Variants in ELMO1 observed in about 807,000 individuals in gnomAD.
ELMO1 encodes engulfment and cell motility protein 1.
A neutral mutation model predicts 98.9 loss-of-function variants in ELMO1; 26 were observed. That is an observed-to-expected ratio of 0.26 (90% CI 0.19 to 0.36). The LOEUF is 0.36. Among genes scored for constraint, ELMO1 ranks in the 10% least tolerant of loss-of-function variants. The probability of loss-of-function intolerance (pLI) is 1.00; values close to 1 mark genes in which losing one functional copy is unlikely to be tolerated. For missense variants in ELMO1, 627 were observed against 935.2 expected (o/e 0.67, Z 4.30); for synonymous variants, 346 against 346.0 (o/e 1.00, Z 0.00).
At chr7:37,444,606 G>C (rs983620167) in intron 1 of ELMO1, among the ~76,000 whole-genome samples, 1 of 151,978 alleles carries the variant, frequency 6.6e-6, no homozygotes, top group Non-Finnish European at 1.5e-5. Context: ...TCTGCCTCCC[G>C]GGTTCACTCA....
rs541991862 is a variant in ELMO1 at position 37,048,565 on chromosome 7, C to A, written c.1301-35130G>T. Among the ~76,000 whole-genome samples, 421 of 152,290 alleles carry A rather than the reference C, an allele frequency of 2.8e-3. 5 individuals carry two copies. The highest frequency in any genetic ancestry group is 9.7e-3 in the African/African-American group (405 of 41,560). ...TTGAGATCTGTTCCCCCACCTAACC[C>A]ACAGGCAACTCTAAAGCGAAAACAT... On this transcript the variant is annotated intron_variant, in intron 15 of 21. Coordinates refer to ENST00000310758, the MANE Select transcript of ELMO1 (RefSeq NM_014800.11).
intron 16 of ELMO1, among the ~76,000 whole-genome samples, chr7:36,907,482 C>A (rs1373316806): frequency 6.6e-6 from 1 of 152,184 alleles, no homozygotes; most frequent in Non-Finnish European, 1.5e-5. Flanking sequence ...ACAATTAAAA[C>A]AGCCCAGAGT....
intron 13 of ELMO1, among the ~76,000 whole-genome samples, chr7:37,200,241 TTAA>T (rs1170510330): frequency 2.9e-5 from 2 of 68,826 alleles, no homozygotes; most frequent in South Asian, 8.0e-4. Flanking sequence ...GCCAAGCTAA[TTAA>T]TTTTTTTTTT....
intron 15 of ELMO1, among the ~76,000 whole-genome samples, chr7:37,014,699 C>T (rs1210807264): frequency 6.6e-6 from 1 of 151,696 alleles, no homozygotes; most frequent in Non-Finnish European, 1.5e-5. Flanking sequence ...TTGTTTAACT[C>T]CCACTTCTGA....
chr7:37,053,737 TG>T (rs1172438419), intron 15 of ELMO1, among the ~76,000 whole-genome samples: 4 of 152,168 alleles, frequency 2.6e-5, no homozygotes, highest in African/African-American at 4.8e-5. Context: ...TTGACAGGGT[TG>T]TCAACAAAAA....
intron 4 of ELMO1, among the ~76,000 whole-genome samples, chr7:37,282,823 G>T (rs1334603195): frequency 6.6e-6 from 1 of 152,236 alleles, no homozygotes. Flanking sequence ...AAGAATTTGT[G>T]GTTTGACTTC....
chr7:37,019,396 C>T (rs1419489324), intron 15 of ELMO1, among the ~76,000 whole-genome samples: 1 of 152,210 alleles, frequency 6.6e-6, no homozygotes, highest in African/African-American at 2.4e-5. Flanking sequence ...TATTTGGATA[C>T]AAACTTCATC....
At chr7:37,014,626 T>TC (rs538164556) in intron 15 of ELMO1, among the ~76,000 whole-genome samples, 49 of 151,420 alleles carry the variant, frequency 3.2e-4, no homozygotes, top group Admixed American at 5.9e-4. Context: ...TATCCCCCAG[T>TC]CCCCCCACTC....
intron 16 of ELMO1, among the ~76,000 whole-genome samples, chr7:36,930,159 C>A (rs1165697718): frequency 6.6e-6 from 1 of 152,224 alleles, no homozygotes; most frequent in Non-Finnish European, 1.5e-5. Context: ...CGGGTCTCCC[C>A]AGCCCATGGG....
chr7:37,221,948 T>C (rs1321877633), intron 10 of ELMO1, among the ~76,000 whole-genome samples: 1 of 152,192 alleles, frequency 6.6e-6, no homozygotes, highest in South Asian at 2.1e-4. Context: ...TCTGCCTACC[T>C]TGGCTTCCCA....
chr7:37,064,287 C>T (rs891222972), intron 15 of ELMO1, among the ~76,000 whole-genome samples: 1 of 152,186 alleles, frequency 6.6e-6, no homozygotes, highest in Non-Finnish European at 1.5e-5. Flanking sequence ...GAGGGTGATG[C>T]TGCATCCTTC....
intron 1 of ELMO1, among the ~76,000 whole-genome samples, chr7:37,356,342 G>A (rs944542808): frequency 6.6e-6 from 1 of 152,140 alleles, no homozygotes; most frequent in Non-Finnish European, 1.5e-5. Flanking sequence ...TGGGTCAAAT[G>A]ATATTTCTGG....
chr7:37,306,429 T>C (rs1562599304), intron 4 of ELMO1, among the ~76,000 whole-genome samples: 1 of 152,138 alleles, frequency 6.6e-6, no homozygotes, highest in Non-Finnish European at 1.5e-5. Flanking sequence ...TTGGCAACAG[T>C]GGAAACCAAT....
intron 15 of ELMO1, among the ~76,000 whole-genome samples, chr7:37,036,303 A>T (rs1795171169): frequency 6.6e-6 from 1 of 152,160 alleles, no homozygotes; most frequent in Admixed American, 6.5e-5. Flanking sequence ...GCCCTAGCAA[A>T]CTCATGTGTA....
intron 15 of ELMO1, among the ~76,000 whole-genome samples, chr7:37,052,952 G>A (rs963509971): frequency 6.6e-6 from 1 of 152,174 alleles, no homozygotes; most frequent in Non-Finnish European, 1.5e-5. Context: ...AGCAGTGTCT[G>A]TGATTTACAG....
chr7:36,860,837 T>C (rs558818454), intron 21 of ELMO1, among the ~76,000 whole-genome samples: 64 of 152,328 alleles, frequency 4.2e-4, no homozygotes, highest in African/African-American at 1.5e-3. Flanking sequence ...CTTTGGGATA[T>C]ACAATTTTAT....
At chr7:37,349,717 G>C (rs1432437794) in intron 1 of ELMO1, among the ~76,000 whole-genome samples, 1 of 152,182 alleles carries the variant, frequency 6.6e-6, no homozygotes, top group African/African-American at 2.4e-5. Context: ...GCCTCCCCAA[G>C]TGCTGGGATT....
intron 17 of ELMO1, among the ~76,000 whole-genome samples, chr7:36,893,595 A>G (rs1206953716): frequency 1.3e-5 from 2 of 152,152 alleles, no homozygotes; most frequent in East Asian, 1.9e-4. Flanking sequence ...CTGCTTAGCT[A>G]TTGTCCTTTT....
intron 1 of ELMO1, among the ~76,000 whole-genome samples, chr7:37,376,846 A>T (rs1372799420): frequency 6.6e-6 from 1 of 152,264 alleles, no homozygotes; most frequent in Non-Finnish European, 1.5e-5. Context: ...GCAGGCAAGA[A>T]GAACCCACTG....
Sources: allele counts gnomAD v4.1 joint callset (sites outside exome capture counted in the v4.1 genomes callset), GRCh38; gene constraint gnomAD v4.1.1; transcripts MANE v1.5; gene names NCBI Gene and HGNC (gene_info 2026-07-23, HGNC 2026-07-21).